The following LIPA variants were observed in gnomAD, a reference collection of about 807,000 sequenced individuals.
LIPA encodes lipase A, lysosomal acid type.
Under a neutral mutation model 40.6 loss-of-function variants are expected in LIPA, and 26 were observed. The observed-to-expected ratio is 0.64, with a 90% CI of 0.47 to 0.89. The LOEUF (loss-of-function observed/expected upper bound fraction) is 0.89. Among genes scored for constraint, LIPA ranks in the 40% least tolerant of loss-of-function variants. LIPA has a pLI of 0.00. For missense variants in LIPA, 455 were observed against 479.6 expected, an observed-to-expected ratio of 0.95 and a Z score of 0.48; for synonymous variants, 188 against 168.4, an observed-to-expected ratio of 1.12 and a Z score of -0.90.
In LIPA at chr10:89,354,520, C is replaced by T. The variant is rs566238840; in HGVS notation, c.61+58271G>A. ...GTCATGCCATGTAGGAGATGGAGTT[C>T]GTATTCAAGTCGTTCTCCTTCAAAG... On this transcript the variant is annotated intron_variant, in intron 2 of 8. Coordinates refer to the LIPA transcript ENST00000371837. Among the ~76,000 whole-genome samples, 24 of 152,236 alleles carry T rather than the reference C, an allele frequency of 1.6e-4. No individual in the cohort carries two copies. In the South Asian group the frequency reaches 3.9e-3, roughly 25 times the overall value.
At chr10:89,374,021 G>A (rs2133598780) in intron 2 of LIPA, among the ~76,000 whole-genome samples, 1 of 152,278 alleles carries the variant, frequency 6.6e-6, no homozygotes, top group East Asian at 1.9e-4. Context: ...CTGATTGATT[G>A]GGCTGGAGAT....
chr10:89,365,677 A>G (rs1157342433), intron 2 of LIPA, among the ~76,000 whole-genome samples: 2 of 152,070 alleles, frequency 1.3e-5, no homozygotes, highest in Non-Finnish European at 2.9e-5. Context: ...ATGGCTAGCC[A>G]GTTTTCCCAG....
chr10:89,339,099 G>C (rs1930054), intron 1 of LIPA: 1 of 1,614,074 alleles, frequency 6.2e-7, no homozygotes, highest in Admixed American at 1.7e-5. Context: ...CACAACTGAA[G>C]TGTGGAAGAA....
chr10:89,413,101 G>C (rs780307499), intron 1 of LIPA, among the ~76,000 whole-genome samples: 1 of 152,180 alleles, frequency 6.6e-6, no homozygotes, highest in Non-Finnish European at 1.5e-5. Flanking sequence ...GTGAGAACAT[G>C]CAGTGTTTGG....
chr10:89,413,766 C>CAA lies in LIPA; in HGVS notation c.-72+639_-72+640dup, dbSNP rs376455922. ...TGAGTGACAGAGTGAGACCCTGTCTCAAAAAAAAAAAAAAAACCAAAATCA... is the reference window on the plus strand; with the variant it reads ...TGAGTGACAGAGTGAGACCCTGTCTCAAAAAAAAAAAAAAAAAACCAAAATCA... On this transcript the variant is annotated intron_variant, in intron 1 of 8. Transcript: ENST00000371837. Among the ~76,000 whole-genome samples the CAA allele has an allele frequency of 7.5e-3, 623 of 82,826 alleles. 13 individuals carry two copies. The East Asian group carries it at 0.083, about 11-fold the overall frequency. 54.3% of individuals were successfully genotyped at this position (82,826 alleles called of 152,430 possible). A position where few individuals can be genotyped will look rare whatever the true frequency, so the allele number is the denominator to read the frequency against.
Position 89,318,898 on chromosome 10 carries a change from G to C in LIPA, c.-2+23713C>G, listed in dbSNP as rs575879024. ...ACAGTGCAATCAAACTAGAACTCAG[G>C]ATTAAGAAACTCACTCAAAACTGCT... On this transcript the variant is annotated intron_variant, in intron 1 of 5. Transcript: ENST00000282673. Among the ~76,000 whole-genome samples, 87 of 152,254 alleles carry C rather than the reference G, an allele frequency of 5.7e-4. 1 individual carries two copies. Among genetic ancestry groups the C allele is most frequent in the African/African-American group, 2.0e-3 (85 of 41,532 alleles).
At chr10:89,262,156 C>T (rs1490184106) in intron 1 of LIPA, among the ~76,000 whole-genome samples, 1 of 152,176 alleles carries the variant, frequency 6.6e-6, no homozygotes, top group Admixed American at 6.5e-5. Context: ...TTGTAAACTC[C>T]TGGTATTCCC....
chr10:89,307,463 G>C (rs1843489845), intron 1 of LIPA: 1 of 1,065,392 alleles, frequency 9.4e-7, no homozygotes. Flanking sequence ...TGTAATGACT[G>C]GTATGGCAAA....
At chr10:89,359,354 T>C (rs1308035078) in intron 2 of LIPA, among the ~76,000 whole-genome samples, 2 of 152,234 alleles carry the variant, frequency 1.3e-5, no homozygotes, top group Non-Finnish European at 2.9e-5. Context: ...ATAAATGCCC[T>C]GTAGGGCAGT....
At chr10:89,360,896 G>T (rs11203091) in intron 2 of LIPA, among the ~76,000 whole-genome samples, 4,381 of 152,198 alleles carry the variant, frequency 0.029, 103 homozygotes, top group East Asian at 0.091. Flanking sequence ...AGAGCCATGC[G>T]CCCTTTGAAA....
chr10:89,267,206 C>T (rs1256581903), intron 1 of LIPA, among the ~76,000 whole-genome samples: 2 of 152,196 alleles, frequency 1.3e-5, no homozygotes, highest in Non-Finnish European at 2.9e-5. Flanking sequence ...GATTCAAAGA[C>T]AGCTGATTTG....
intron 2 of LIPA, among the ~76,000 whole-genome samples, chr10:89,368,060 G>A (rs1844071682): frequency 6.6e-6 from 1 of 152,092 alleles, no homozygotes; most frequent in South Asian, 2.1e-4. Context: ...GCCTCAAGAA[G>A]TCCTCCTGCC....
rs535100015 is a variant in LIPA, at chr10:89,250,721, T to C, written c.-2+1016A>G. On this transcript the variant is annotated intron_variant, in intron 1 of 9. Transcript: ENST00000336233. The stretch of plus-strand genomic sequence containing the variant: ...GGTCCATGAGAGTAACAGCTAAAGC[T>C]ACTCAGCTGAAAATCTCACCCAGTT... 6.2e-4 allele frequency among the ~76,000 whole-genome samples: 95 copies of C among 152,304 alleles called. 1 individual carries two copies. Among genetic ancestry groups the C allele is most frequent in the African/African-American group, 2.3e-3 (95 of 41,556 alleles).
At chr10:89,238,914 A>C (rs910164477) in intron 3 of LIPA, among the ~76,000 whole-genome samples, 1 of 152,192 alleles carries the variant, frequency 6.6e-6, no homozygotes, top group Non-Finnish European at 1.5e-5. Context: ...GGGGGACAGC[A>C]CCCCTAACCC....
chr10:89,384,609 G>C, intron 2 of LIPA: 1 of 1,614,174 alleles, frequency 6.2e-7, no homozygotes, highest in South Asian at 1.1e-5. Flanking sequence ...GTATTCACCA[G>C]AATGTACGGG....
intron 2 of LIPA, among the ~76,000 whole-genome samples, chr10:89,351,421 T>C (rs1223445188): frequency 1.3e-5 from 2 of 152,200 alleles, no homozygotes; most frequent in African/African-American, 4.8e-5. Flanking sequence ...AAAATCCAAA[T>C]AGTCCAGAAA....
intron 2 of LIPA, among the ~76,000 whole-genome samples, chr10:89,360,450 T>G (rs1293184401): frequency 6.6e-6 from 1 of 152,186 alleles, no homozygotes; most frequent in East Asian, 1.9e-4. Flanking sequence ...AAGATAAGTG[T>G]CCTGGCAAGG....
At chr10:89,371,596 C>T (rs1232282859) in intron 2 of LIPA, among the ~76,000 whole-genome samples, 3 of 152,070 alleles carry the variant, frequency 2.0e-5, no homozygotes, top group Non-Finnish European at 2.9e-5. Flanking sequence ...ATCGTTTTAC[C>T]AACTGGTGTT....
chr10:89,284,586 T>C (rs933531955), intron 1 of LIPA: 1 of 152,182 alleles, frequency 6.6e-6, no homozygotes, highest in Non-Finnish European at 1.5e-5. Context: ...ATATGAATAC[T>C]ATAGGCACAC....
Sources: allele counts gnomAD v4.1 joint callset (sites outside exome capture counted in the v4.1 genomes callset), GRCh38; gene constraint gnomAD v4.1.1; transcripts MANE v1.5; gene names NCBI Gene and HGNC (gene_info 2026-07-23, HGNC 2026-07-21).